The following MBD5 variants were observed in gnomAD, a reference collection of about 807,000 sequenced individuals.
MBD5 encodes methyl-CpG binding domain protein 5.
MBD5 carries 13 observed loss-of-function variants against 117.3 expected under a neutral mutation model. The observed-to-expected ratio is 0.11, with a 90% CI of 0.07 to 0.18. The LOEUF is 0.18. MBD5 is among the 10% of genes least tolerant of loss of function. The pLI, the probability that MBD5 is intolerant of heterozygous loss-of-function variation, is 1.00. For missense variants in MBD5, 1,879 were observed against 2,093.8 expected (o/e 0.90, Z 2.00); for synonymous variants, 727 against 766.4 (o/e 0.95, Z 0.85).
intron 4 of MBD5, among the ~76,000 whole-genome samples, chr2:148,380,207 T>A (rs1182286912): frequency 1.3e-5 from 2 of 152,138 alleles, no homozygotes; most frequent in Non-Finnish European, 2.9e-5. Flanking sequence ...CCACTTAATA[T>A]CATAGCCTCT....
intron 1 of MBD5, among the ~76,000 whole-genome samples, chr2:148,140,638 C>G (rs1011263196): frequency 1.3e-5 from 2 of 152,078 alleles, no homozygotes; most frequent in Admixed American, 6.6e-5. Flanking sequence ...AAAATGCTGT[C>G]ATACAAAGTA....
chr2:148,435,871 TTCTG>T (rs1706141030), intron 4 of MBD5, among the ~76,000 whole-genome samples: 1 of 152,178 alleles, frequency 6.6e-6, no homozygotes, highest in Admixed American at 6.5e-5. Context: ...TCTCTTTCCA[TTCTG>T]TCTGTGTCCA....
chr2:148,337,185 C>G (rs966082452), intron 3 of MBD5, among the ~76,000 whole-genome samples: 3 of 152,146 alleles, frequency 2.0e-5, no homozygotes. Context: ...TGCCTAGTAG[C>G]CCGTACCTTA....
intron 3 of MBD5, among the ~76,000 whole-genome samples, chr2:148,305,599 A>G (rs904083249): frequency 6.6e-6 from 1 of 152,164 alleles, no homozygotes; most frequent in Non-Finnish European, 1.5e-5. Flanking sequence ...ACATCGGGTG[A>G]ACTTTCTGAG....
At chr2:148,306,035 T>C (rs537895309) in intron 3 of MBD5, among the ~76,000 whole-genome samples, 45 of 152,346 alleles carry the variant, frequency 3.0e-4, no homozygotes, top group African/African-American at 1.1e-3. Context: ...ATTGATCACA[T>C]AGGCTTTTAA....
At chr2:148,048,903 A>C (rs1047413205) in intron 1 of MBD5, among the ~76,000 whole-genome samples, 1 of 152,060 alleles carries the variant, frequency 6.6e-6, no homozygotes, top group African/African-American at 2.4e-5. Flanking sequence ...TCATCCTGGG[A>C]TGTTGGAATA....
chr2:148,343,228 T>C (rs1702997135), intron 4 of MBD5, among the ~76,000 whole-genome samples: 2 of 151,950 alleles, frequency 1.3e-5, no homozygotes, highest in Admixed American at 1.3e-4. Context: ...GAATAGTGCT[T>C]AATATTGTGA....
At chr2:148,155,246 A>G (rs188699796) in intron 1 of MBD5, among the ~76,000 whole-genome samples, 1 of 152,278 alleles carries the variant, frequency 6.6e-6, no homozygotes, top group Non-Finnish European at 1.5e-5. Context: ...AGATCTGAGG[A>G]GGTGATAGAT....
rs1035541226 is a variant in MBD5, at chr2:148,516,086, A to G, written c.*3145A>G. 6.6e-6 allele frequency: 1 copy of G among 152,134 alleles called. No homozygotes were observed. Among genetic ancestry groups the G allele is most frequent in the African/African-American group, 2.4e-5 (1 of 41,428 alleles). 9.4% of individuals were successfully genotyped at this position (152,134 alleles called of 1,614,324 possible). A position where few individuals can be genotyped will look rare whatever the true frequency, so the allele number is the denominator to read the frequency against. On this transcript the variant is annotated 3_prime_UTR_variant, in exon 14 of 14. Transcript: ENST00000642680. ...TAAGTAAACACAGCCTTCTTATTTG[A>G]ACGTAACACTGCAGAATTGCAGGAA...
chr2:148,144,631 G>GT (rs1697404463), intron 1 of MBD5, among the ~76,000 whole-genome samples: 1 of 152,152 alleles, frequency 6.6e-6, no homozygotes, highest in African/African-American at 2.4e-5. Context: ...TGTATAAGGT[G>GT]TAAGGAAGGG....
At chr2:148,109,489 T>A (rs1696455976) in intron 1 of MBD5, among the ~76,000 whole-genome samples, 1 of 152,164 alleles carries the variant, frequency 6.6e-6, no homozygotes, top group Non-Finnish European at 1.5e-5. Context: ...TTAAAAGATG[T>A]CTTTGAAGGA....
chr2:148,363,047 GGCTGAAAATTCCAAAACCCAGAAT>G lies in MBD5; in HGVS notation c.-557+20714_-557+20737del, dbSNP rs756879661. On this transcript the variant is annotated intron_variant, in intron 4 of 13. Coordinates refer to ENST00000642680, the MANE Select transcript of MBD5 (RefSeq NM_001378120.1). Reference sequence around the variant, plus strand: ...AGATGAGGAAAAAACAGTGCAAAACGGCTGAAAATTCCAAAACCCAGAATGCCTCTTCTCCTCCAAGTGATCACA... The same window carrying G: ...AGATGAGGAAAAAACAGTGCAAAACGGCCTCTTCTCCTCCAAGTGATCACA... Among the ~76,000 whole-genome samples, 32 of 152,088 alleles carry G rather than the reference GGCTGAAAATTCCAAAACCCAGAAT, an allele frequency of 2.1e-4. 1 individual carries two copies. Among genetic ancestry groups the G allele is most frequent in the Admixed American group, 9.2e-4 (14 of 15,274 alleles).
At chr2:148,395,426 C>CT (rs397758785) in intron 4 of MBD5, among the ~76,000 whole-genome samples, 57,405 of 123,952 alleles carry the variant, frequency 0.46, 14,460 homozygotes, top group East Asian at 0.64. Context: ...CCCAACTCAT[C>CT]TTTTTTTTTT....
chr2:148,294,196 G>GTTTTTTTTTTTTT (rs60942822), intron 3 of MBD5, among the ~76,000 whole-genome samples: 5 of 127,176 alleles, frequency 3.9e-5, no homozygotes, highest in African/African-American at 1.5e-4. Flanking sequence ...CCAGAATGAA[G>GTTTTTTTTTTTTT]TTTTTTTTTT....
intron 13 of MBD5, among the ~76,000 whole-genome samples, chr2:148,510,778 G>A (rs1213381328): frequency 6.6e-6 from 1 of 152,196 alleles, no homozygotes; most frequent in Non-Finnish European, 1.5e-5. Context: ...TGAATGATGG[G>A]ATTAGTATAG....
chr2:148,472,340 AATG>A (rs1251492826), intron 8 of MBD5: 2 of 152,140 alleles, frequency 1.3e-5, no homozygotes, highest in Admixed American at 6.6e-5. Context: ...CATGTCTAGA[AATG>A]ATATGAATAT....
chr2:148,156,954 TAGAA>T (rs2105716113), intron 1 of MBD5, among the ~76,000 whole-genome samples: 1 of 152,314 alleles, frequency 6.6e-6, no homozygotes, highest in African/African-American at 2.4e-5. Flanking sequence ...TCCTGGCACA[TAGAA>T]AGATACTTCA....
At position 148,513,868 on chromosome 2, in the gene MBD5, G is replaced by A. The variant is rs994547378; in HGVS notation, c.*927G>A. ...TGCACCACCGCTGGTGCTCAGAATTGAGGGTTTTTTTGCAAATGATATCTG... is the reference window on the plus strand; with the variant it reads ...TGCACCACCGCTGGTGCTCAGAATTAAGGGTTTTTTTGCAAATGATATCTG... On this transcript the variant is annotated 3_prime_UTR_variant, in exon 14 of 14. Transcript: ENST00000642680. The A allele has an allele frequency of 6.6e-6, 1 of 152,200 alleles. No individual in the cohort carries two copies. The highest frequency in any genetic ancestry group is 6.5e-5 in the Admixed American group (1 of 15,280). The allele number at this position is 152,200 out of a possible 1,614,324, so 9.4% of individuals were successfully genotyped here.
chr2:148,424,922 A>G (rs1162704287), intron 4 of MBD5, among the ~76,000 whole-genome samples: 9 of 152,220 alleles, frequency 5.9e-5, no homozygotes, highest in Non-Finnish European at 1.0e-4. Context: ...AATTCCCACA[A>G]GAGAAAGCGG....
Sources: gnomAD v4.1 joint callset for allele counts (sites outside exome capture counted in the v4.1 genomes callset) on GRCh38, gnomAD v4.1.1 for gene constraint, MANE v1.5 for transcripts, NCBI Gene and HGNC (gene_info 2026-07-23, HGNC 2026-07-21) for gene names.